The following CUX2 variants were observed in gnomAD, a reference collection of about 807,000 sequenced individuals.
CUX2 encodes the protein cut like homeobox 2.
Under a neutral mutation model 144.8 loss-of-function variants are expected in CUX2, and 40 were observed. That is an observed-to-expected ratio of 0.28 (90% CI 0.21 to 0.36). CUX2 has a LOEUF of 0.36. Ranked by LOEUF, CUX2 falls within the 10% of genes least tolerant of loss-of-function variation. CUX2 has a pLI of 1.00. For synonymous variants in CUX2, 827 were observed against 875.6 expected (o/e 0.94, Z 0.98); for missense variants, 1,615 against 1,994.0 (o/e 0.81, Z 3.62).
Position 111,293,647 on chromosome 12 carries a change from G to C in CUX2, c.560+78G>C, listed in dbSNP as rs529797832. 3.3e-6 allele frequency: 5 copies of C among 1,501,110 alleles called. No individual in the cohort carries two copies. The African/African-American group carries it at 5.6e-5, about 17-fold the overall frequency. 93.0% of individuals were successfully genotyped at this position (1,501,110 alleles called of 1,614,324 possible). Reference sequence around the variant, plus strand: ...TGCCCCACCTGGCTGGGTCGTGGACGGGGAAAGTCTCCTACCAGAATCCAG... The same window carrying C: ...TGCCCCACCTGGCTGGGTCGTGGACCGGGAAAGTCTCCTACCAGAATCCAG... On this transcript the variant is annotated intron_variant, in intron 6 of 21. Transcript: ENST00000261726. This position sits in a 1 kb window ranked among gnomAD's most constrained non-coding sequence, Gnocchi z 4.5.
chr12:111,120,564 G>A (rs755057483), intron 1 of CUX2, among the ~76,000 whole-genome samples: 19 of 151,778 alleles, frequency 1.3e-4, no homozygotes, highest in Non-Finnish European at 2.5e-4. Flanking sequence ...TCTCACAGGT[G>A]TAGGAAAATC....
intron 1 of CUX2, among the ~76,000 whole-genome samples, chr12:111,128,159 C>A (rs1875213064): frequency 1.3e-5 from 2 of 152,196 alleles, no homozygotes; most frequent in Admixed American, 1.3e-4. Flanking sequence ...ACCATCGAAC[C>A]AAACCGTTAA....
At chr12:111,245,376 A>C (rs1379856605) in intron 3 of CUX2, among the ~76,000 whole-genome samples, 1 of 146,000 alleles carries the variant, frequency 6.8e-6, no homozygotes, top group African/African-American at 2.7e-5. Context: ...ATCTCTACCC[A>C]AAAAAAAAAA....
intron 14 of CUX2, 41 bp downstream of exon 14, chr12:111,308,567 G>T: frequency 6.5e-7 from 1 of 1,550,376 alleles, no homozygotes. Context: ...GCTGGGGCGG[G>T]GGCTGCCTGT....
chr12:111,299,391 G>A (rs1282052254), intron 9 of CUX2, among the ~76,000 whole-genome samples: 2 of 152,208 alleles, frequency 1.3e-5, no homozygotes, highest in African/African-American at 2.4e-5. Flanking sequence ...GCAGAGGCCC[G>A]AGGTGTGGCT....
intron 1 of CUX2, among the ~76,000 whole-genome samples, chr12:111,207,278 T>G (rs1880972846): frequency 6.6e-6 from 1 of 152,254 alleles, no homozygotes; most frequent in Non-Finnish European, 1.5e-5. Flanking sequence ...AAGCCTGCAC[T>G]AAAGATAATG....
At chr12:111,106,954 T>C (rs1489198412) in intron 1 of CUX2, among the ~76,000 whole-genome samples, 1 of 152,118 alleles carries the variant, frequency 6.6e-6, no homozygotes, top group Non-Finnish European at 1.5e-5. Flanking sequence ...GTTGATAGGG[T>C]TGCTGGACAG....
chr12:111,303,800 A>G (rs1886437944), intron 9 of CUX2, among the ~76,000 whole-genome samples: 1 of 152,152 alleles, frequency 6.6e-6, no homozygotes, highest in Non-Finnish European at 1.5e-5. Context: ...TCTTGCCTTC[A>G]GACTAGCCAG....
chr12:111,214,888 C>T (rs981057667), intron 2 of CUX2, among the ~76,000 whole-genome samples: 17 of 152,164 alleles, frequency 1.1e-4, no homozygotes, highest in African/African-American at 4.1e-4. Flanking sequence ...CCCCAAGGAA[C>T]AGACTAGAAC....
intron 17 of CUX2, among the ~76,000 whole-genome samples, chr12:111,321,250 T>TGAGATCAA (rs1409055588): frequency 3.9e-5 from 6 of 152,146 alleles, no homozygotes; most frequent in Admixed American, 6.5e-5. Context: ...GGGCAGATCA[T>TGAGATCAA]GAGATCAAGA....
At chr12:111,305,450 C>T (rs1234204133) in intron 10 of CUX2, among the ~76,000 whole-genome samples, 1 of 152,098 alleles carries the variant, frequency 6.6e-6, no homozygotes, top group Non-Finnish European at 1.5e-5. Flanking sequence ...CTACTTGTGA[C>T]CTTTGGGCAA....
intron 21 of CUX2, 80 bp from the exon 22 acceptor site, chr12:111,347,444 A>C: frequency 7.2e-7 from 1 of 1,395,822 alleles, no homozygotes; most frequent in Non-Finnish European, 9.7e-7. Context: ...GGGTGGGACC[A>C]AAATGCCATG....
At chr12:111,138,327 GC>G (rs1876059195) in intron 1 of CUX2, among the ~76,000 whole-genome samples, 1 of 152,072 alleles carries the variant, frequency 6.6e-6, no homozygotes, top group South Asian at 2.1e-4. Context: ...CAGCACCCGG[GC>G]GCTGGGGAGC....
At chr12:111,276,503 G>A (rs1242297996) in intron 4 of CUX2, among the ~76,000 whole-genome samples, 1 of 152,186 alleles carries the variant, frequency 6.6e-6, no homozygotes, top group East Asian at 1.9e-4. Flanking sequence ...AAAGGCCTGG[G>A]TTCAAATCCA....
chr12:111,157,879 C>T (rs1264909142), intron 1 of CUX2, among the ~76,000 whole-genome samples: 2 of 152,180 alleles, frequency 1.3e-5, no homozygotes, highest in Non-Finnish European at 2.9e-5. Flanking sequence ...TGTTCACTGG[C>T]CATTCCTGCA....
rs1376331614 is a variant in CUX2 at position 111,312,878 on chromosome 12, A to T, written c.2002+677A>T. 6.6e-6 allele frequency among the ~76,000 whole-genome samples: 1 copy of T among 151,924 alleles called. No individual in the cohort carries two copies. The highest frequency in any genetic ancestry group is 1.5e-5 in the Non-Finnish European group (1 of 68,022). ...CCTTTCACCTGGCCAACTCCTACTC[A>T]TACCTATGACTCAACTCAGAAGTCA... is the stretch of plus-strand genomic sequence containing the variant. On this transcript the variant is annotated intron_variant, in intron 16 of 21. Coordinates refer to ENST00000261726, the MANE Select transcript of CUX2 (RefSeq NM_015267.4). The surrounding 1 kb of genome is among the most constrained non-coding windows in gnomAD (Gnocchi z 4.3).
intron 1 of CUX2, among the ~76,000 whole-genome samples, chr12:111,069,549 T>TGTGTGTGC (rs1555266249): frequency 6.0e-5 from 9 of 150,326 alleles, no homozygotes; most frequent in African/African-American, 2.2e-4. Flanking sequence ...TGTGTGTGTG[T>TGTGTGTGC]GTGCGCGCGC....
chr12:111,249,071 C>T (rs557326647), intron 3 of CUX2, among the ~76,000 whole-genome samples: 35 of 152,166 alleles, frequency 2.3e-4, no homozygotes, highest in African/African-American at 3.4e-4. Context: ...TCTCGTGTGT[C>T]GTGTGACCCC....
chr12:111,240,087 A>T (rs971379754), intron 3 of CUX2, among the ~76,000 whole-genome samples: 1 of 152,232 alleles, frequency 6.6e-6, no homozygotes, highest in Non-Finnish European at 1.5e-5. Flanking sequence ...TGAGGGAAGT[A>T]TTGCTATTCT....
Sources: gnomAD v4.1 joint callset for allele counts (sites outside exome capture counted in the v4.1 genomes callset) on GRCh38, gnomAD v4.1.1 for gene constraint, Gnocchi (gnomAD v3.1) non-coding constraint, MANE v1.5 for transcripts, NCBI Gene and HGNC (gene_info 2026-07-23, HGNC 2026-07-21) for gene names.